Variants in TNRC6B observed in about 807,000 individuals in gnomAD.
The protein encoded by TNRC6B is trinucleotide repeat-containing gene 6B protein.
A neutral mutation model predicts 203.6 loss-of-function variants in TNRC6B; 52 were observed. That is an observed-to-expected ratio of 0.26 (90% CI 0.20 to 0.32). TNRC6B has a LOEUF of 0.32. Ranked by LOEUF, TNRC6B falls within the 10% of genes least tolerant of loss-of-function variation. The pLI, the probability that TNRC6B is intolerant of heterozygous loss-of-function variation, is 1.00. For synonymous variants in TNRC6B, 838 were observed against 845.7 expected (o/e 0.99, Z 0.16); for missense variants, 1,923 against 2,286.2 (o/e 0.84, Z 3.24).
intron 1 of TNRC6B, among the ~76,000 whole-genome samples, chr22:40,223,922 C>T (rs906662635): frequency 6.6e-6 from 1 of 152,210 alleles, no homozygotes; most frequent in Non-Finnish European, 1.5e-5. Flanking sequence ...TTACCTTGGA[C>T]ACAAGGTAAC....
At chr22:40,089,532 G>A (rs761102767) in intron 1 of TNRC6B, among the ~76,000 whole-genome samples, 2 of 151,920 alleles carry the variant, frequency 1.3e-5, no homozygotes, top group Admixed American at 6.6e-5. Flanking sequence ...TGCGCCCAGC[G>A]TTAAGACTTT....
intron 4 of TNRC6B, among the ~76,000 whole-genome samples, chr22:40,171,375 A>G (rs2068996751): frequency 6.6e-6 from 1 of 151,908 alleles, no homozygotes; most frequent in Non-Finnish European, 1.5e-5. Flanking sequence ...GTTAGCCAGC[A>G]TAGTCTCGAT....
intron 1 of TNRC6B, among the ~76,000 whole-genome samples, chr22:40,201,025 G>A (rs186863741): frequency 1.8e-4 from 27 of 152,302 alleles, no homozygotes; most frequent in Middle Eastern, 3.4e-3. Flanking sequence ...TAACAGAGCT[G>A]TTGTGAGCAT....
rs6519222 is a variant in TNRC6B, at chr22:40,319,845, A to G, written c.4975-1245A>G. Among the ~76,000 whole-genome samples the G allele has an allele frequency of 4.1e-3, 620 of 152,328 alleles. 5 individuals are homozygous for G. Among genetic ancestry groups the G allele is most frequent in the African/African-American group, 0.013 (561 of 41,572 alleles). On this transcript the variant is annotated intron_variant, in intron 21 of 22. Transcript: ENST00000454349. ...GTACTATTGGTGGTTTCAGGCCTCC[A>G]CTGGGGGGCCTTGGAAGGTGTTCCC... is the stretch of plus-strand genomic sequence containing the variant.
intron 13 of TNRC6B, 162 bp downstream of exon 13, chr22:40,300,748 A>G (rs2071012184): frequency 8.1e-7 from 1 of 1,234,610 alleles, no homozygotes; most frequent in Non-Finnish European, 1.1e-6. Flanking sequence ...TGTCAGCTCA[A>G]CTGGAGGAAA....
At chr22:40,234,871 G>GA (rs890849419) in intron 1 of TNRC6B, among the ~76,000 whole-genome samples, 17 of 152,054 alleles carry the variant, frequency 1.1e-4, no homozygotes, top group Non-Finnish European at 2.2e-4. Context: ...TCCAGCAAAT[G>GA]AAAAAAATGT....
At chr22:40,178,289 T>C (rs1480055025) in intron 1 of TNRC6B, 149 bp downstream of exon 1, 2 of 858,246 alleles carry the variant, frequency 2.3e-6, no homozygotes, top group African/African-American at 3.5e-5. Flanking sequence ...AGACCCGTGA[T>C]GTACTTTGGT....
Position 40,206,108 on chromosome 22 carries a change from A to G in TNRC6B, c.5+27968A>G, listed in dbSNP as rs145095287. Among the ~76,000 whole-genome samples the G allele has an allele frequency of 5.1e-3, 776 of 152,336 alleles. 5 individuals carry two copies. The highest frequency in any genetic ancestry group is 0.018 in the African/African-American group (745 of 41,578). ...GGTTTACACATTTAGGGAAATGTCC[A>G]ACACATAATGAGCCCAGAAATATAT... On this transcript the variant is annotated intron_variant, in intron 1 of 22. Transcript: ENST00000454349.
chr22:40,299,741 G>A (rs2146546659), intron 12 of TNRC6B, among the ~76,000 whole-genome samples: 1 of 152,270 alleles, frequency 6.6e-6, no homozygotes, highest in Non-Finnish European at 1.5e-5. Context: ...TCTTAAGCTT[G>A]TTCTCCATGG....
At chr22:40,231,250 G>C (rs1373238426) in intron 1 of TNRC6B, among the ~76,000 whole-genome samples, 1 of 152,064 alleles carries the variant, frequency 6.6e-6, no homozygotes, top group Non-Finnish European at 1.5e-5. Flanking sequence ...TTTTCCATAT[G>C]AATTTTAGAA....
chr22:40,207,414 AAAAAATATATAT>A (rs1238654460), intron 1 of TNRC6B, among the ~76,000 whole-genome samples: 10 of 114,148 alleles, frequency 8.8e-5, no homozygotes, highest in African/African-American at 4.3e-4. Context: ...CTCAAAAAAA[AAAAAATATATAT>A]ATATATATAT....
At chr22:40,204,381 C>G (rs1185419908) in intron 1 of TNRC6B, among the ~76,000 whole-genome samples, 2 of 152,188 alleles carry the variant, frequency 1.3e-5, no homozygotes, top group Non-Finnish European at 2.9e-5. Flanking sequence ...TGTTGGGATG[C>G]TGTGGCCAGT....
chr22:40,323,441 G>A lies in TNRC6B; in HGVS notation c.*200G>A. The A allele has an allele frequency of 1.8e-6, 1 of 560,774 alleles. No individual in the cohort carries two copies. The allele number at this position is 560,774 out of a possible 1,614,324, so 34.7% of individuals were successfully genotyped here. On this transcript the variant is annotated 3_prime_UTR_variant, in exon 23 of 23. Transcript: ENST00000454349. ...CTTATAACTTCAGTTTTTTCGTTTGGAATATGAATCCAAAAAGAGAACATA... is the reference window on the plus strand; with the variant it reads ...CTTATAACTTCAGTTTTTTCGTTTGAAATATGAATCCAAAAAGAGAACATA...
At chr22:40,262,472 C>T (rs1243918873) in intron 4 of TNRC6B, among the ~76,000 whole-genome samples, 1 of 152,088 alleles carries the variant, frequency 6.6e-6, no homozygotes, top group African/African-American at 2.4e-5. Flanking sequence ...CATAGTTCCA[C>T]CGTCATATGT....
At chr22:40,053,376 T>C (rs1251248320) in intron 1 of TNRC6B, among the ~76,000 whole-genome samples, 1 of 152,138 alleles carries the variant, frequency 6.6e-6, no homozygotes, top group African/African-American at 2.4e-5. Flanking sequence ...GTCTCTGAAT[T>C]AGGAGTCAAA....
chr22:40,176,331 T>C (rs1601860184), upstream of TNRC6B, among the ~76,000 whole-genome samples: 1 of 152,086 alleles, frequency 6.6e-6, no homozygotes, highest in East Asian at 1.9e-4. Context: ...TTCTCCATGC[T>C]GGTCAGGCTG....
intron 1 of TNRC6B, among the ~76,000 whole-genome samples, chr22:40,218,709 G>C (rs1225570641): frequency 2.6e-5 from 4 of 152,158 alleles, no homozygotes; most frequent in African/African-American, 9.7e-5. Context: ...ATTTATTTAA[G>C]TGCCTTTCTT....
At chr22:40,159,891 A>T (rs1211459140) in intron 4 of TNRC6B, among the ~76,000 whole-genome samples, 1 of 151,874 alleles carries the variant, frequency 6.6e-6, no homozygotes, top group Non-Finnish European at 1.5e-5. Context: ...AGCTCACTGT[A>T]ATCTTGAATT....
At chr22:40,163,456 CAAAAAAAAAAAAA>C (rs1180212519) in intron 4 of TNRC6B, among the ~76,000 whole-genome samples, 1 of 6,996 alleles carries the variant, frequency 1.4e-4, no homozygotes, top group African/African-American at 1.8e-3. Flanking sequence ...GACCCTGTCT[CAAAAAAAAAAAAA>C]AAAAAAAAAA....
Sources: allele counts gnomAD v4.1 joint callset (sites outside exome capture counted in the v4.1 genomes callset), GRCh38; gene constraint gnomAD v4.1.1; transcripts MANE v1.5; gene names NCBI Gene and HGNC (gene_info 2026-07-23, HGNC 2026-07-21).